The following SLC22A17 variants were observed in gnomAD, a reference collection of about 807,000 sequenced individuals.
SLC22A17 encodes solute carrier family 22 member 17.
In SLC22A17, 38 loss-of-function variants were observed where a neutral mutation model predicts 53.6. That is an observed-to-expected ratio of 0.71 (90% CI 0.55 to 0.93). The LOEUF is 0.93. SLC22A17 is among the 40% of genes least tolerant of loss of function. The probability of loss-of-function intolerance (pLI) is 0.00; values close to 1 mark genes in which losing one functional copy is unlikely to be tolerated. For synonymous variants in SLC22A17, 379 were observed against 353.0 expected, an observed-to-expected ratio of 1.07 and a Z score of -0.82; for missense variants, 704 against 791.0, an observed-to-expected ratio of 0.89 and a Z score of 1.32.
chr14:23,346,540 G>A, exon 10 of SLC22A17: 1 of 1,337,198 alleles, frequency 7.5e-7, no homozygotes, highest in Non-Finnish European at 9.9e-7. Context: ...GCTGGCGTGA[G>A]GTGCCTCTGA....
At position 23,352,619 on chromosome 14, in the gene SLC22A17, G is replaced by T; in HGVS notation, c.96+27C>A. The T allele has an allele frequency of 4.8e-6, 2 of 412,606 alleles. No homozygotes were observed. The highest frequency in any genetic ancestry group is 3.6e-5 in the East Asian group (1 of 28,120). The allele number at this position is 412,606 out of a possible 1,614,324, so 25.6% of individuals were successfully genotyped here. A position where few individuals can be genotyped will look rare whatever the true frequency, so the allele number is the denominator to read the frequency against. ...GGCGGGGGTGCTGGGAGAGGATGGCGTCGCCACCTGGGGCTCGGGCACTTA... is the reference window on the plus strand; with the variant it reads ...GGCGGGGGTGCTGGGAGAGGATGGCTTCGCCACCTGGGGCTCGGGCACTTA... On this transcript the variant is annotated intron_variant, in intron 1 of 9. Coordinates refer to ENST00000397267, the Ensembl canonical transcript of SLC22A17. This position sits in a 1 kb window ranked among gnomAD's most constrained non-coding sequence, Gnocchi z 7.2.
At position 23,352,066 on chromosome 14, in the gene SLC22A17, C is replaced by T. The variant is rs1467077646; in HGVS notation, c.482G>A (p.Arg161His). ...CGAGGGGTCGGTACTGGTGGCGACACGGCTGGCGGCGCTGGCTGCTAGGGC... is the reference window on the plus strand; with the variant it reads ...CGAGGGGTCGGTACTGGTGGCGACATGGCTGGCGGCGCTGGCTGCTAGGGC... The change falls in exon 2 of 10, where the codon CGT becomes CAT. Residue 161 changes from arginine (R) to histidine (H), a missense_variant. By Grantham distance (29) the Arg-to-His change is conservative. Transcript: ENST00000397267. This position sits in a 1 kb window ranked among gnomAD's most constrained non-coding sequence, Gnocchi z 7.2. 1.9e-6 allele frequency: 3 copies of T among 1,599,762 alleles called. No individual in the cohort carries two copies. The highest frequency in any genetic ancestry group is 2.6e-6 in the Non-Finnish European group (3 of 1,173,966).
intron 3 of SLC22A17, 174 bp from the exon 4 acceptor site, chr14:23,349,600 C>T: frequency 4.2e-6 from 3 of 706,044 alleles, no homozygotes; most frequent in Admixed American, 5.9e-5. Flanking sequence ...GTGGGTGATG[C>T]CTGGCTACTG....
Position 23,348,147 on chromosome 14 carries a change from T to A in SLC22A17, c.1171+14A>T, listed in dbSNP as rs1327372829. The A allele has an allele frequency of 1.9e-6, 3 of 1,613,624 alleles. No homozygotes were observed. Among genetic ancestry groups the A allele is most frequent in the Non-Finnish European group, 2.5e-6 (3 of 1,179,906 alleles). On this transcript the variant is annotated intron_variant, in intron 6 of 9. Transcript: ENST00000397267. This position sits in a 1 kb window ranked among gnomAD's most constrained non-coding sequence, Gnocchi z 4.5. Reference sequence around the variant, plus strand: ...GCAAGTGAGGCAACACTCACAGGGATCCCTGTCTCTTACCCTGCAGGGCCT... The same window carrying A: ...GCAAGTGAGGCAACACTCACAGGGAACCCTGTCTCTTACCCTGCAGGGCCT...
chr14:23,346,997 G>A (rs959653423), intron 9 of SLC22A17, 61 bp from the exon 10 acceptor site: 26 of 1,495,198 alleles, frequency 1.7e-5, no homozygotes, highest in East Asian at 2.4e-5. Flanking sequence ...CCCTTCTCCC[G>A]CAGCCCCCCT....
At chr14:23,346,313 T>C (rs957984032), downstream of SLC22A17, 3 of 281,418 alleles carry the variant, frequency 1.1e-5, no homozygotes, top group Non-Finnish European at 2.0e-5. Flanking sequence ...GTCCAGGCTA[T>C]GATATGCTCG....
Position 23,348,602 on chromosome 14 carries a change from C to G in SLC22A17, c.929G>C (p.Gly310Ala). ...GGCCAGGCCCAGGAACAGGAAGTGC[C>G]CTCCCACCCCCACCAACTCCCCTGC... is the stretch of plus-strand genomic sequence containing the variant. Residue 310 changes from glycine (G) to alanine (A), a missense_variant, in exon 5 of 10, where the codon GGG (glycine) becomes GCG (alanine). Transcript: ENST00000397267. The surrounding 1 kb of genome is among the most constrained non-coding windows in gnomAD (Gnocchi z 4.5). 6.2e-7 allele frequency: 1 copy of G among 1,614,026 alleles called. No individual in the cohort carries two copies. The highest frequency in any genetic ancestry group is 8.5e-7 in the Non-Finnish European group (1 of 1,179,974).
In SLC22A17 at chr14:23,347,459, C is replaced by T. The variant is rs746635650; in HGVS notation, c.1549+1G>A. 1 of 1,613,222 alleles carries T rather than the reference C, an allele frequency of 6.2e-7. No homozygotes were observed. The highest frequency in any genetic ancestry group is 1.1e-5 in the South Asian group (1 of 90,960). ...GAAATGGCTGTGCCTGTCTGAAGCA[C>T]CTCTGTTGGGGTTCCCTTGTTGAGC... On this transcript the variant is annotated splice_donor_variant, in intron 8 of 9. Transcript: ENST00000397267. LOFTEE classifies it high-confidence loss of function. The surrounding 1 kb of genome is among the most constrained non-coding windows in gnomAD (Gnocchi z 5.1).
Position 23,348,633 on chromosome 14 carries a change from C to T in SLC22A17, c.898G>A (p.Ala300Thr). 6.2e-7 allele frequency: 1 copy of T among 1,613,528 alleles called. No individual in the cohort carries two copies. Among genetic ancestry groups the T allele is most frequent in the South Asian group, 1.1e-5 (1 of 91,014 alleles). The change falls in exon 5 of 10, where the codon GCC becomes ACC. Residue 300 changes from alanine to threonine, a missense_variant. Physicochemically the swap from Ala to Thr is moderately conservative, Grantham distance 58. Coordinates refer to ENST00000397267, the Ensembl canonical transcript of SLC22A17. This position sits in a 1 kb window ranked among gnomAD's most constrained non-coding sequence, Gnocchi z 4.5. ...ACCCCCACCAACTCCCCTGCCAGGG[C>T]CACCCGAAGCCTCTGGGTTGGGTCG...
In SLC22A17 at chr14:23,352,383, C is replaced by T. The variant is rs1459165236; in HGVS notation, c.165G>A (p.Glu55=). 2 of 677,892 alleles carry T rather than the reference C, an allele frequency of 3.0e-6. No homozygotes were observed. Among genetic ancestry groups the T allele is most frequent in the African/African-American group, 1.9e-5 (1 of 52,228 alleles). The allele number at this position is 677,892 out of a possible 1,614,324, so 42.0% of individuals were successfully genotyped here. Residue 55 remains glutamate (E), a synonymous_variant, in exon 2 of 10, where the codon GAG becomes GAA. Transcript: ENST00000397267. The surrounding 1 kb of genome is among the most constrained non-coding windows in gnomAD (Gnocchi z 7.2). ...CGTCGCCGCCCGCGTCTCCCTCCCCCTCCCGCTCGCGCTCCCGCTCACCCT... is the reference window on the plus strand; with the variant it reads ...CGTCGCCGCCCGCGTCTCCCTCCCCTTCCCGCTCGCGCTCCCGCTCACCCT...
chr14:23,350,833 T>C lies in SLC22A17; in HGVS notation c.704+919A>G, dbSNP rs908005338. On this transcript the variant is annotated intron_variant, in intron 3 of 9. Transcript: ENST00000397267. ...CTATTGACCTGTGGGTTTCGGATCA[T>C]TGGCCCACAGAGGTGTGTGACTATT... The C allele has an allele frequency of 4.6e-5, 7 of 152,360 alleles. No individual in the cohort carries two copies. In the East Asian group the frequency reaches 1.2e-3, roughly 25 times the overall value. The allele number at this position is 152,360 out of a possible 1,614,324, so 9.4% of individuals were successfully genotyped here.
At position 23,348,247 on chromosome 14, in the gene SLC22A17, T is replaced by C. The variant is rs374222782; in HGVS notation, c.1085A>G (p.Glu362Gly). Residue 362 changes from glutamate (E) to glycine (G), a missense_variant, in exon 6 of 10, where the codon GAG becomes GGG. Glu to Gly is a moderately conservative substitution (Grantham distance 98). Coordinates refer to ENST00000397267, the Ensembl canonical transcript of SLC22A17. This position sits in a 1 kb window ranked among gnomAD's most constrained non-coding sequence, Gnocchi z 4.5. ...CAGGATCCTCAGCACAGACTGAGCC[T>C]CCTCAATCTGCCGCTTCACTATCAG... The C allele has an allele frequency of 2.5e-6, 4 of 1,613,970 alleles. No homozygotes were observed. The African/African-American group carries it at 5.3e-5, about 22-fold the overall frequency.
At chr14:23,349,677 A>G (rs1015199049) in intron 3 of SLC22A17, 7 of 557,746 alleles carry the variant, frequency 1.3e-5, no homozygotes, top group Non-Finnish European at 2.2e-5. Flanking sequence ...TTGGTCAGAG[A>G]TTAGGGCACT....
Position 23,347,443 on chromosome 14 carries a change from G to A in SLC22A17, c.1549+17C>T. On this transcript the variant is annotated intron_variant, in intron 8 of 9. Coordinates refer to ENST00000397267, the Ensembl canonical transcript of SLC22A17. This position sits in a 1 kb window ranked among gnomAD's most constrained non-coding sequence, Gnocchi z 5.1. ...GAGGCCTGTGCCAGAAGAAATGGCT[G>A]TGCCTGTCTGAAGCACCTCTGTTGG... The A allele has an allele frequency of 6.2e-7, 1 of 1,610,432 alleles. No homozygotes were observed. The highest frequency in any genetic ancestry group is 8.5e-7 in the Non-Finnish European group (1 of 1,177,796).
chr14:23,349,520 A>G, intron 3 of SLC22A17, 94 bp from the exon 4 acceptor site: 1 of 1,405,350 alleles, frequency 7.1e-7, no homozygotes, highest in Non-Finnish European at 9.6e-7. Context: ...AGCTAGAGGT[A>G]TGAGAATGAA....
In SLC22A17 at chr14:23,348,837, G is replaced by C; in HGVS notation, c.860-166C>G. ...TAACCTCTGGGTGGCAAGGACTGGGGAGACTGTTCAGCCCTCTCTCCTCTC... is the reference window on the plus strand; with the variant it reads ...TAACCTCTGGGTGGCAAGGACTGGGCAGACTGTTCAGCCCTCTCTCCTCTC... On this transcript the variant is annotated intron_variant, in intron 4 of 9. Transcript: ENST00000397267. This position sits in a 1 kb window ranked among gnomAD's most constrained non-coding sequence, Gnocchi z 4.5. The C allele has an allele frequency of 1.4e-6, 1 of 724,320 alleles. No individual in the cohort carries two copies. The highest frequency in any genetic ancestry group is 2.2e-6 in the Non-Finnish European group (1 of 451,232). The allele number at this position is 724,320 out of a possible 1,614,324, so 44.9% of individuals were successfully genotyped here.
chr14:23,347,292 C>T lies in SLC22A17; in HGVS notation c.1550-80G>A, dbSNP rs1012206943. On this transcript the variant is annotated intron_variant, in intron 8 of 9. Transcript: ENST00000397267. The surrounding 1 kb of genome is among the most constrained non-coding windows in gnomAD (Gnocchi z 5.1). The stretch of plus-strand genomic sequence containing the variant: ...AGTCCCGGGTGTCATCCCCTTGGCT[C>T]TCTGTTCCCATGGCTCTAGCTGGGC... 3.4e-6 allele frequency: 5 copies of T among 1,487,704 alleles called. No homozygotes were observed. The highest frequency in any genetic ancestry group is 2.0e-5 in the Admixed American group (1 of 50,430). 92.2% of individuals were successfully genotyped at this position (1,487,704 alleles called of 1,614,324 possible).
intron 3 of SLC22A17, 143 bp from the exon 4 acceptor site, chr14:23,349,569 G>T: frequency 1.1e-6 from 1 of 947,172 alleles, no homozygotes; most frequent in Non-Finnish European, 1.6e-6. Flanking sequence ...TTGAGAAGAT[G>T]GGGAGGGATG....
chr14:23,350,132 C>T (rs969829964), intron 3 of SLC22A17, among the ~76,000 whole-genome samples: 3 of 152,012 alleles, frequency 2.0e-5, no homozygotes, highest in Non-Finnish European at 4.4e-5. Flanking sequence ...GGTGAAACCC[C>T]ATCCTTACTA....
Sources: allele counts gnomAD v4.1 joint callset (sites outside exome capture counted in the v4.1 genomes callset), GRCh38; gene constraint gnomAD v4.1.1; non-coding constraint Gnocchi (gnomAD v3.1); transcripts MANE v1.5; gene names NCBI Gene and HGNC (gene_info 2026-07-23, HGNC 2026-07-21).